Variants in TGIF1 observed in about 807,000 individuals in gnomAD.
TGIF1 encodes homeobox protein TGIF1.
In TGIF1, 4 loss-of-function variants were observed where a neutral mutation model predicts 19.3. The ratio of observed to expected loss-of-function variants is 0.21; its 90% CI spans 0.10 to 0.47. The LOEUF (loss-of-function observed/expected upper bound fraction) is 0.47, where lower values mean the gene tolerates loss of function less well. Ranked by LOEUF, TGIF1 falls within the 20% of genes least tolerant of loss-of-function variation. The probability of loss-of-function intolerance (pLI) is 0.98; values close to 1 mark genes in which losing one functional copy is unlikely to be tolerated. For missense variants in TGIF1, 275 were observed against 341.4 expected (o/e 0.81, Z 1.53); for synonymous variants, 122 against 129.3 (o/e 0.94, Z 0.38).
intron 2 of TGIF1, among the ~76,000 whole-genome samples, chr18:3,435,990 GT>G (rs2082610103): frequency 6.6e-6 from 1 of 152,104 alleles, no homozygotes; most frequent in Non-Finnish European, 1.5e-5. Context: ...TGCCACCTGA[GT>G]TTCTGGGATT....
At chr18:3,428,426 T>A (rs978296747) in intron 2 of TGIF1, among the ~76,000 whole-genome samples, 2 of 151,680 alleles carry the variant, frequency 1.3e-5, no homozygotes, top group African/African-American at 4.8e-5. Context: ...TAATTAAAAT[T>A]TTTTTTTTAT....
intron 1 of TGIF1, among the ~76,000 whole-genome samples, chr18:3,416,652 C>T (rs116310691): frequency 0.014 from 2,148 of 151,734 alleles, 54 homozygotes; most frequent in African/African-American, 0.049. Context: ...ATAATAAGGC[C>T]GGGCTGGGTG....
intron 2 of TGIF1, among the ~76,000 whole-genome samples, chr18:3,425,732 C>T (rs1317253865): frequency 6.6e-6 from 1 of 152,204 alleles, no homozygotes; most frequent in Admixed American, 6.5e-5. Flanking sequence ...AACCCCTAAC[C>T]TCCAGGCATG....
Position 3,451,430 on chromosome 18 carries a change from C to A in TGIF1, c.16+925C>A. ...CTTTTGAAGTTAACAAAAATTGAGT[C>A]CCTGGCTGGGAGGTCCCCCGAGTGT... On this transcript the variant is annotated intron_variant, in intron 1 of 2. Coordinates refer to ENST00000343820, the MANE Select transcript of TGIF1 (RefSeq NM_003244.4). This position sits in a 1 kb window ranked among gnomAD's most constrained non-coding sequence, Gnocchi z 5.4. 3.0e-6 allele frequency: 3 copies of A among 985,432 alleles called. No homozygotes were observed. Among genetic ancestry groups the A allele is most frequent in the South Asian group, 9.4e-5 (2 of 21,284 alleles). 61.0% of individuals were successfully genotyped at this position (985,432 alleles called of 1,614,324 possible). A position where few individuals can be genotyped will look rare whatever the true frequency, so the allele number is the denominator to read the frequency against.
intron 1 of TGIF1, among the ~76,000 whole-genome samples, chr18:3,416,093 A>G (rs2082328202): frequency 6.6e-6 from 1 of 152,260 alleles, no homozygotes; most frequent in African/African-American, 2.4e-5. Context: ...AGAAACCACT[A>G]GCATCAGATA....
intron 1 of TGIF1, chr18:3,455,071 A>T (rs2083122038): frequency 6.6e-6 from 1 of 152,208 alleles, no homozygotes; most frequent in South Asian, 2.1e-4. Context: ...AAGAAAGCAT[A>T]CAAAGCTAAA....
intron 2 of TGIF1, among the ~76,000 whole-genome samples, chr18:3,444,286 CTTTTTTT>C (rs57205118): frequency 5.7e-5 from 7 of 122,232 alleles, no homozygotes; most frequent in Non-Finnish European, 9.7e-5. Flanking sequence ...ACTTTCTTTT[CTTTTTTT>C]TTTTTTTTGT....
intron 1 of TGIF1, among the ~76,000 whole-genome samples, chr18:3,417,928 A>G (rs1288277271): frequency 4.6e-5 from 7 of 152,106 alleles, no homozygotes; most frequent in African/African-American, 9.7e-5. Flanking sequence ...GCAAGACCCC[A>G]TCTCTACAAA....
intron 2 of TGIF1, among the ~76,000 whole-genome samples, chr18:3,431,190 TAATCCC>T: frequency 6.6e-6 from 1 of 152,218 alleles, no homozygotes; most frequent in East Asian, 1.9e-4. Flanking sequence ...CTCGCACCTT[TAATCCC>T]AGCACTTCGG....
In TGIF1 at chr18:3,459,160, T is replaced by G. The variant is rs980557238; in HGVS notation, c.*1220T>G. The G allele has an allele frequency of 6.6e-6, 1 of 152,360 alleles. No individual in the cohort carries two copies. The highest frequency in any genetic ancestry group is 2.4e-5 in the African/African-American group (1 of 41,580). 9.4% of individuals were successfully genotyped at this position (152,360 alleles called of 1,614,324 possible). A position where few individuals can be genotyped will look rare whatever the true frequency, so the allele number is the denominator to read the frequency against. ...CAAAACCATTCTTTGTAGTCATGCT[T>G]AGTATGAGCTTGCTTTGTTGTTACG... On this transcript the variant is annotated 3_prime_UTR_variant, in exon 3 of 3. Transcript: ENST00000343820.
At chr18:3,427,051 C>T (rs1156363631) in intron 2 of TGIF1, among the ~76,000 whole-genome samples, 3 of 150,728 alleles carry the variant, frequency 2.0e-5, no homozygotes, top group African/African-American at 4.9e-5. Context: ...TCAAGCGATT[C>T]TCCTGCCTCA....
chr18:3,440,373 C>G (rs1316147975), intron 2 of TGIF1, among the ~76,000 whole-genome samples: 1 of 152,034 alleles, frequency 6.6e-6, no homozygotes, highest in Non-Finnish European at 1.5e-5. Flanking sequence ...AAAAAATTAC[C>G]TGCATTAGGA....
chr18:3,430,148 G>A (rs1464681841), intron 2 of TGIF1, among the ~76,000 whole-genome samples: 1 of 152,090 alleles, frequency 6.6e-6, no homozygotes, highest in Non-Finnish European at 1.5e-5. Context: ...GAGTAAGACT[G>A]TCTCAACAAA....
intron 2 of TGIF1, among the ~76,000 whole-genome samples, chr18:3,440,068 G>C (rs572933371): frequency 1.3e-5 from 2 of 151,222 alleles, no homozygotes; most frequent in African/African-American, 4.9e-5. Flanking sequence ...TTTCACCCTT[G>C]AAAAGGAGCT....
At chr18:3,447,894 G>A (rs773600170), upstream of TGIF1, 8 of 1,544,934 alleles carry the variant, frequency 5.2e-6, no homozygotes, top group Non-Finnish European at 6.3e-6. Flanking sequence ...TTGTTTTCAA[G>A]CTATAAACCC....
At position 3,457,161 on chromosome 18, in the gene TGIF1, G is replaced by T. The variant is rs562424339; in HGVS notation, c.244-204G>T. On this transcript the variant is annotated intron_variant, in intron 2 of 2. Coordinates refer to ENST00000343820, the MANE Select transcript of TGIF1 (RefSeq NM_003244.4). This position sits in a 1 kb window ranked among gnomAD's most constrained non-coding sequence, Gnocchi z 4.9. Reference sequence around the variant, plus strand: ...GAGACAAAAAAGGAAATTTGTATTAGAAACTAGAAGGCTTATGACAGGTGG... The same window carrying T: ...GAGACAAAAAAGGAAATTTGTATTATAAACTAGAAGGCTTATGACAGGTGG... The T allele has an allele frequency of 3.1e-6, 2 of 643,450 alleles. No individual in the cohort carries two copies. Among genetic ancestry groups the T allele is most frequent in the South Asian group, 3.9e-5 (2 of 50,692 alleles). The allele number at this position is 643,450 out of a possible 1,614,324, so 39.9% of individuals were successfully genotyped here.
intron 1 of TGIF1, among the ~76,000 whole-genome samples, chr18:3,454,289 A>G (rs750470354): frequency 6.6e-5 from 10 of 152,186 alleles, no homozygotes; most frequent in South Asian, 2.1e-4. Flanking sequence ...GGCAGCCTTC[A>G]GGGGCTTTTT....
chr18:3,455,510 T>C (rs544183593), intron 1 of TGIF1: 7 of 152,376 alleles, frequency 4.6e-5, no homozygotes, highest in African/African-American at 1.4e-4. Context: ...TATTGATATG[T>C]AGTATTCTAT....
At chr18:3,439,726 A>G (rs916209011) in intron 2 of TGIF1, among the ~76,000 whole-genome samples, 37 of 152,202 alleles carry the variant, frequency 2.4e-4, no homozygotes, top group South Asian at 1.2e-3. Flanking sequence ...GGAGAAAAGA[A>G]AAATAGGAAT....
Sources: allele counts gnomAD v4.1 joint callset (sites outside exome capture counted in the v4.1 genomes callset), GRCh38; gene constraint gnomAD v4.1.1; non-coding constraint Gnocchi (gnomAD v3.1); transcripts MANE v1.5; gene names NCBI Gene and HGNC (gene_info 2026-07-23, HGNC 2026-07-21).